SMPD1: variants seen among roughly 807,000 people sequenced by gnomAD.
SMPD1 encodes the protein sphingomyelin phosphodiesterase 1.
SMPD1 carries 47 observed loss-of-function variants against 49.7 expected under a neutral mutation model. That is an observed-to-expected ratio of 0.95 (90% CI 0.75 to 1.21). The LOEUF (loss-of-function observed/expected upper bound fraction) is 1.21. SMPD1 is among the 50% of genes most tolerant of loss of function. The probability of loss-of-function intolerance (pLI) is 0.00; values close to 1 mark genes in which losing one functional copy is unlikely to be tolerated. For synonymous variants in SMPD1, 336 were observed against 339.6 expected (o/e 0.99, Z 0.12); for missense variants, 811 against 822.2 (o/e 0.99, Z 0.17).
chr11:6,393,498 T>C (rs1848033416), intron 3 of SMPD1, 111 bp downstream of exon 3: 1 of 1,405,898 alleles, frequency 7.1e-7, no homozygotes, highest in Admixed American at 1.8e-5. Context: ...CCAACAAGTG[T>C]TCCCTGGGGA....
Position 6,394,254 on chromosome 11 carries a change from G to A in SMPD1, c.1543G>A (p.Asp515Asn). Reference protein sequence around the residue: ...NYSGSSHVVLDHETYILNLTQ... With the variant: ...NYSGSSHVVLNHETYILNLTQ... The stretch of plus-strand genomic sequence containing the variant: ...CTCCGGGAGCTCTCACGTGGTCCTG[G>A]ACCATGAGACCTACATCCTGAATCT... Residue 515 changes from aspartate to asparagine, a missense_variant, in exon 6 of 6, where the codon GAC becomes AAC. Coordinates refer to ENST00000342245, the MANE Select transcript of SMPD1 (RefSeq NM_000543.5). 6.2e-7 allele frequency: 1 copy of A among 1,614,164 alleles called. No homozygotes were observed. Among genetic ancestry groups the A allele is most frequent in the Non-Finnish European group, 8.5e-7 (1 of 1,180,026 alleles).
chr11:6,391,505 T>C lies in SMPD1; in HGVS notation c.440T>C (p.Val147Ala). Residue 147 changes from valine to alanine, a missense_variant, in exon 2 of 6, where the codon GTG becomes GCG. By Grantham distance (64) the Val-to-Ala change is moderately conservative. Transcript: ENST00000342245. ...CTCTTTGAGGATGACATGGTGGAGG[T>C]GTGGAGACGCTCAGTGCTGAGCCCA... ...VHLFEDDMVEVWRRSVLSPSE... is the reference protein window; with the variant it reads ...VHLFEDDMVEAWRRSVLSPSE... 6.2e-7 allele frequency: 1 copy of C among 1,613,980 alleles called. No individual in the cohort carries two copies. The highest frequency in any genetic ancestry group is 8.5e-7 in the Non-Finnish European group (1 of 1,180,012).
intron 5 of SMPD1, 59 bp downstream of exon 5, chr11:6,394,100 G>A (rs1848073214): frequency 6.2e-7 from 1 of 1,613,680 alleles, no homozygotes; most frequent in Admixed American, 1.7e-5. Flanking sequence ...GGGGAAGGAG[G>A]TTGGAGCCAG....
rs373013062 is a variant in SMPD1, at chr11:6,390,624, G to A, written c.26G>A (p.Arg9His). 3 of 1,612,772 alleles carry A rather than the reference G, an allele frequency of 1.9e-6. No homozygotes were observed. The highest frequency in any genetic ancestry group is 2.5e-6 in the Non-Finnish European group (3 of 1,179,712). Residue 9 changes from arginine (R) to histidine (H), a missense_variant, in exon 1 of 6, where the codon CGC (arginine) becomes CAC (histidine). Coordinates refer to ENST00000342245, the MANE Select transcript of SMPD1 (RefSeq NM_000543.5). ...ATGCCCCGCTACGGAGCGTCACTCC[G>A]CCAGAGCTGCCCCAGGTCCGGCCGG... Reference protein sequence around the residue: MPRYGASLRQSCPRSGREQ... With the variant: MPRYGASLHQSCPRSGREQ...
In SMPD1 at chr11:6,394,491, ACT is replaced by A. The variant is rs1437508852; in HGVS notation, c.1783_1784del (p.Ala597ProfsTer7). 5 of 1,613,166 alleles carry A rather than the reference ACT, an allele frequency of 3.1e-6. No homozygotes were observed. The highest frequency in any genetic ancestry group is 4.5e-5 in the East Asian group (2 of 44,850). Reference protein sequence around the residue: ...EPCGTPCRLATLCAQLSARAD... With the variant: ...EPCGTPCRLAXLCAQLSARAD... The stretch of plus-strand genomic sequence containing the variant: ...CTGTGGCACGCCCTGCCGTCTGGCT[ACT>A]CTTTGTGCCCAGCTCTCTGCCCGTG... On this transcript the variant is annotated frameshift_variant, in exon 6 of 6. Coordinates refer to ENST00000342245, the MANE Select transcript of SMPD1 (RefSeq NM_000543.5). LOFTEE classifies it low-confidence loss of function (END_TRUNC).
chr11:6,392,994 A>G (rs1285377679), intron 2 of SMPD1, among the ~76,000 whole-genome samples: 1 of 151,534 alleles, frequency 6.6e-6, no homozygotes, highest in African/African-American at 2.4e-5. Flanking sequence ...TTCCCATTCT[A>G]GCTAACTCTT....
chr11:6,392,978 C>T (rs1293130652), intron 2 of SMPD1, among the ~76,000 whole-genome samples: 1 of 152,104 alleles, frequency 6.6e-6, no homozygotes, highest in Non-Finnish European at 1.5e-5. Flanking sequence ...TCTGTGTGGT[C>T]CTTGCTTCCC....
Position 6,394,012 on chromosome 11 carries a change from G to A in SMPD1, c.1457G>A (p.Ser486Asn), listed in dbSNP as rs2134021618. 2.5e-6 allele frequency: 4 copies of A among 1,614,220 alleles called. No homozygotes were observed. In the South Asian group the frequency reaches 3.3e-5, roughly 13 times the overall value. Residue 486 changes from serine (S) to asparagine (N), a missense_variant, in exon 5 of 6, where the codon AGT becomes AAT. Transcript: ENST00000342245. The stretch of plus-strand genomic sequence containing the variant: ...CTGGCTGTAGCCTTCCTGGCACCCA[G>A]TGCAACTACCTACATCGGCCTTAAT... Reference protein sequence around the residue: ...RPLAVAFLAPSATTYIGLNPG... With the variant: ...RPLAVAFLAPNATTYIGLNPG...
intron 1 of SMPD1, 47 bp from the exon 2 acceptor site, chr11:6,391,337 C>A: frequency 6.2e-7 from 1 of 1,601,930 alleles, no homozygotes; most frequent in South Asian, 1.1e-5. Context: ...TGGCCTGGTT[C>A]CTCTGCTCTG....
At chr11:6,392,433 C>T (rs371487739) in intron 2 of SMPD1, among the ~76,000 whole-genome samples, 4 of 146,480 alleles carry the variant, frequency 2.7e-5, no homozygotes, top group South Asian at 2.2e-4. Flanking sequence ...CCTCCCGCCT[C>T]GGCCTCCCAA....
Position 6,394,551 on chromosome 11 carries a change from C to A in SMPD1, c.1840C>A (p.Pro614Thr). 1 of 1,608,252 alleles carries A rather than the reference C, an allele frequency of 6.2e-7. No individual in the cohort carries two copies. Among genetic ancestry groups the A allele is most frequent in the Non-Finnish European group, 8.5e-7 (1 of 1,179,944 alleles). Residue 614 changes from proline to threonine, a missense_variant, in exon 6 of 6, where the codon CCA (proline) becomes ACA (threonine). Transcript: ENST00000342245. ...DSPALCRHLM[P>T]DGSLPEAQSL... ...CCCTGCTCTGTGCCGCCACCTGATG[C>A]CAGATGGGAGCCTCCCAGAGGCCCA...
rs958654789 is a variant in SMPD1, at chr11:6,391,379, T to G, written c.319-5T>G. On this transcript the variant is annotated splice_polypyrimidine_tract_variant and splice_region_variant and intron_variant, in intron 1 of 5. Coordinates refer to ENST00000342245, the MANE Select transcript of SMPD1 (RefSeq NM_000543.5). ...ATTTCTCACCATGCGCTCCTCCCACTGCAGAAGGAACCCAATGTGGCTCGC... is the reference window on the plus strand; with the variant it reads ...ATTTCTCACCATGCGCTCCTCCCACGGCAGAAGGAACCCAATGTGGCTCGC... The G allele has an allele frequency of 6.2e-7, 1 of 1,612,300 alleles. No individual in the cohort carries two copies. Among genetic ancestry groups the G allele is most frequent in the Non-Finnish European group, 8.5e-7 (1 of 1,179,896 alleles).
At position 6,390,678 on chromosome 11, in the gene SMPD1, C is replaced by A. The variant is rs755490852; in HGVS notation, c.80C>A (p.Ala27Asp). The A allele has an allele frequency of 1.9e-6, 3 of 1,611,356 alleles. No individual in the cohort carries two copies. The highest frequency in any genetic ancestry group is 3.3e-5 in the Admixed American group (2 of 59,906). Residue 27 changes from alanine (A) to aspartate (D), a missense_variant, in exon 1 of 6, where the codon GCC becomes GAC. By Grantham distance (126) the Ala-to-Asp change is moderately radical. Transcript: ENST00000342245. ...CAGGGACAAGACGGGACCGCCGGAGCCCCCGGACTCCTTTGGATGGGCCTG... is the reference window on the plus strand; with the variant it reads ...CAGGGACAAGACGGGACCGCCGGAGACCCCGGACTCCTTTGGATGGGCCTG... ...REQGQDGTAG[A>D]PGLLWMGLVL...
Position 6,394,983 on chromosome 11 carries a change from A to C in SMPD1, c.*376A>C. ...GCCAGTCTGTTAAAATAAAGATAAG[A>C]GACTTGGACTCCAGACCCCTGTGTG... On this transcript the variant is annotated 3_prime_UTR_variant, in exon 6 of 6. Transcript: ENST00000342245. 1 of 304,596 alleles carries C rather than the reference A, an allele frequency of 3.3e-6. No individual in the cohort carries two copies. The highest frequency in any genetic ancestry group is 6.2e-6 in the Non-Finnish European group (1 of 161,084). The allele number at this position is 304,596 out of a possible 1,614,324, so 18.9% of individuals were successfully genotyped here.
rs1848058518 is a variant in SMPD1, at chr11:6,393,892, C to G, written c.1341-4C>G. 6.2e-6 allele frequency: 10 copies of G among 1,613,978 alleles called. No homozygotes were observed. The highest frequency in any genetic ancestry group is 7.6e-6 in the Non-Finnish European group (9 of 1,179,974). On this transcript the variant is annotated splice_region_variant and splice_polypyrimidine_tract_variant and intron_variant, in intron 4 of 5. Transcript: ENST00000342245. The stretch of plus-strand genomic sequence containing the variant: ...ATCTTCTGAATGTAGTACCTTCTGG[C>G]CAGGTATGAGAACACCCTGGCTGCT...
In SMPD1 at chr11:6,390,553, G is replaced by C; in HGVS notation, c.-46G>C. On this transcript the variant is annotated 5_prime_UTR_variant, in exon 1 of 6. Coordinates refer to ENST00000342245, the MANE Select transcript of SMPD1 (RefSeq NM_000543.5). ...CTGAGGGCTGGCTAGGGTCCAGGCC[G>C]GGGGGGACGGGACAGACGAACCAGC... 6.3e-7 allele frequency: 1 copy of C among 1,591,132 alleles called. No homozygotes were observed.
In SMPD1 at chr11:6,392,144, T is replaced by C; in HGVS notation, c.1079T>C (p.Leu360Pro). 1 of 1,614,138 alleles carries C rather than the reference T, an allele frequency of 6.2e-7. No homozygotes were observed. Among genetic ancestry groups the C allele is most frequent in the Non-Finnish European group, 8.5e-7 (1 of 1,180,028 alleles). ...GAGCCCTGGCTGCCTGCCGAAGCCC[T>C]GCGCACCCTCAGGTACTTATCGTCC... ...AWEPWLPAEA[L>P]RTLRIGGFYA... The change falls in exon 2 of 6, where the codon CTG becomes CCG. Residue 360 changes from leucine to proline, a missense_variant. Physicochemically the swap from Leu to Pro is moderately conservative, Grantham distance 98. Coordinates refer to ENST00000342245, the MANE Select transcript of SMPD1 (RefSeq NM_000543.5).
rs3838786 is a variant in SMPD1 at position 6,390,705 on chromosome 11, TGCTGGCGCTGGC to T, written c.132_143del (p.Ala46_Leu49del). Reference sequence around the variant, plus strand: ...CCCGGACTCCTTTGGATGGGCCTGGTGCTGGCGCTGGCGCTGGCGCTGGCGCTGGCGCTGGCT... The same window carrying T: ...CCCGGACTCCTTTGGATGGGCCTGGTGCTGGCGCTGGCGCTGGCGCTGGCT... On this transcript the variant is annotated inframe_deletion, in exon 1 of 6. Transcript: ENST00000342245. 2.1e-4 allele frequency: 330 copies of T among 1,595,110 alleles called. 1 individual carries two copies. The highest frequency in any genetic ancestry group is 1.3e-3 in the African/African-American group (97 of 73,360).
At chr11:6,393,813 G>T (rs914452583) in intron 4 of SMPD1, 83 bp from the exon 5 acceptor site, 3 of 1,575,810 alleles carry the variant, frequency 1.9e-6, no homozygotes, top group Middle Eastern at 3.4e-4. Flanking sequence ...ACTAGAACAG[G>T]TTGGAGAAAG....
Sources: gnomAD v4.1 joint callset for allele counts (sites outside exome capture counted in the v4.1 genomes callset) on GRCh38, gnomAD v4.1.1 for gene constraint, MANE v1.5 for transcripts, NCBI Gene and HGNC (gene_info 2026-07-23, HGNC 2026-07-21) for gene names.